The following DLEC1 variants were observed in gnomAD, a reference collection of about 807,000 sequenced individuals.
DLEC1 encodes the protein DLEC1 cilia and flagella associated protein.
In DLEC1, 146 loss-of-function variants were observed where a neutral mutation model predicts 198.1. The ratio of observed to expected loss-of-function variants is 0.74; its 90% confidence interval spans 0.64 to 0.85. The LOEUF is 0.85. Ranked by LOEUF, DLEC1 falls within the 40% of genes least tolerant of loss-of-function variation. The pLI is 0.00. For synonymous variants in DLEC1, 897 were observed against 866.8 expected (o/e 1.03, Z -0.61); for missense variants, 2,233 against 2,220.0 (o/e 1.01, Z -0.12).
At chr3:38,070,508 G>A (rs149442359) in intron 6 of DLEC1, among the ~76,000 whole-genome samples, 7 of 152,314 alleles carry the variant, frequency 4.6e-5, no homozygotes, top group East Asian at 3.9e-4. Context: ...ATGCACGTCC[G>A]TGTGAAGAGA....
Position 38,048,263 on chromosome 3 carries a change from A to G in DLEC1, c.562+2570A>G, listed in dbSNP as rs1332539052. ...TCTTCAAGAAACGCTGATTCCTTTT[A>G]TTCCCTCCACCACTCCCCACAAAGA... On this transcript the variant is annotated intron_variant, in intron 2 of 36. Transcript: ENST00000308059. Among the ~76,000 whole-genome samples, 4 of 152,288 alleles carry G rather than the reference A, an allele frequency of 2.6e-5. No homozygotes were observed. In the East Asian group the frequency reaches 5.8e-4, roughly 22 times the overall value.
intron 27 of DLEC1, among the ~76,000 whole-genome samples, chr3:38,115,264 C>A (rs1700095311): frequency 6.6e-6 from 1 of 152,174 alleles, no homozygotes; most frequent in African/African-American, 2.4e-5. Flanking sequence ...AAGAGGGGAT[C>A]CCTTTCTCAT....
chr3:38,115,903 G>T (rs1405423782), intron 27 of DLEC1, among the ~76,000 whole-genome samples: 2 of 152,200 alleles, frequency 1.3e-5, no homozygotes, highest in South Asian at 4.1e-4. Context: ...GTGGCAATCT[G>T]TTCAGCTGGG....
At chr3:38,065,181 C>T (rs9755284) in intron 6 of DLEC1, among the ~76,000 whole-genome samples, 62,713 of 152,136 alleles carry the variant, frequency 0.41, 13,446 homozygotes, top group East Asian at 0.6. Flanking sequence ...CACCAAAAAA[C>T]ACGAAAACCA....
chr3:38,064,712 G>A lies in DLEC1; in HGVS notation c.1173+793G>A, dbSNP rs546279541. On this transcript the variant is annotated intron_variant, in intron 6 of 36. Coordinates refer to ENST00000308059, the MANE Select transcript of DLEC1 (RefSeq NM_007335.4). The stretch of plus-strand genomic sequence containing the variant: ...TCAGTTCCCAGACGGGGTCGCGGCC[G>A]GGCAGAGGCGCTCCTCACATCTCAG... 3.8e-3 allele frequency among the ~76,000 whole-genome samples: 576 copies of A among 151,992 alleles called. 7 individuals carry two copies. The highest frequency in any genetic ancestry group is 0.013 in the African/African-American group (554 of 41,448).
chr3:38,078,373 G>A (rs1333929996), intron 6 of DLEC1, among the ~76,000 whole-genome samples: 1 of 152,244 alleles, frequency 6.6e-6, no homozygotes, highest in African/African-American at 2.4e-5. Context: ...ACGCAGACAT[G>A]AGGGCTAGGC....
At chr3:38,081,895 ACCC>A (rs1231981892) in intron 6 of DLEC1, among the ~76,000 whole-genome samples, 5 of 64,274 alleles carry the variant, frequency 7.8e-5, no homozygotes, top group African/African-American at 2.8e-4. Context: ...CGGGGGGCTG[ACCC>A]CCCCCCACCT....
At chr3:38,121,959 C>A in intron 35 of DLEC1, 112 bp from the exon 36 acceptor site, 1 of 1,535,912 alleles carries the variant, frequency 6.5e-7, no homozygotes, top group South Asian at 1.3e-5. Flanking sequence ...GGTTGCCCTG[C>A]CCTGCAGTGC....
intron 6 of DLEC1, among the ~76,000 whole-genome samples, chr3:38,075,416 G>T (rs1307574415): frequency 6.6e-6 from 1 of 152,156 alleles, no homozygotes; most frequent in Non-Finnish European, 1.5e-5. Context: ...AGAAAATAAG[G>T]CATTTAGGTT....
At chr3:38,091,833 T>C (rs1363754612) in intron 10 of DLEC1, among the ~76,000 whole-genome samples, 1 of 152,098 alleles carries the variant, frequency 6.6e-6, no homozygotes, top group African/African-American at 2.4e-5. Flanking sequence ...AGAATGGCTA[T>C]TATCAGAAAG....
Position 38,112,379 on chromosome 3 carries a change from G to C in DLEC1, c.3666+18G>C, listed in dbSNP as rs773599556. The C allele has an allele frequency of 5.6e-6, 9 of 1,613,052 alleles. No homozygotes were observed. Among genetic ancestry groups the C allele is most frequent in the Non-Finnish European group, 6.8e-6 (8 of 1,179,188 alleles). Reference sequence around the variant, plus strand: ...TCTGCACGGTAAGGGTACACAAGAGGGCAGTGGCCTGGGGGGTGGAGAGTC... The same window carrying C: ...TCTGCACGGTAAGGGTACACAAGAGCGCAGTGGCCTGGGGGGTGGAGAGTC... On this transcript the variant is annotated intron_variant, in intron 25 of 36. Coordinates refer to ENST00000308059, the MANE Select transcript of DLEC1 (RefSeq NM_007335.4). The surrounding 1 kb of genome is among the most constrained non-coding windows in gnomAD (Gnocchi z 4.8).
At chr3:38,105,192 G>A (rs1413923792) in intron 19 of DLEC1, among the ~76,000 whole-genome samples, 2 of 152,110 alleles carry the variant, frequency 1.3e-5, no homozygotes, top group African/African-American at 4.8e-5. Context: ...AACTTATTGA[G>A]ACTTGTTTTA....
intron 1 of DLEC1, among the ~76,000 whole-genome samples, chr3:38,044,763 G>A (rs550392923): frequency 2.0e-5 from 3 of 152,230 alleles, no homozygotes; most frequent in South Asian, 4.2e-4. Context: ...TTCTTGCCTC[G>A]AGAAGTCTGA....
At chr3:38,063,788 C>A in intron 5 of DLEC1, 53 bp from the exon 6 acceptor site, 1 of 1,329,952 alleles carries the variant, frequency 7.5e-7, no homozygotes, top group Non-Finnish European at 1.1e-6. Context: ...CCTACTATTT[C>A]ATTGTATGGA....
At chr3:38,086,190 T>G in intron 8 of DLEC1, 51 bp from the exon 9 acceptor site, 10 of 1,569,308 alleles carry the variant, frequency 6.4e-6, no homozygotes, top group Non-Finnish European at 8.6e-6. Context: ...CAGTAGGGCC[T>G]ATTAAGAGTG....
At chr3:38,088,437 G>T (rs1227570697) in intron 10 of DLEC1, 49 bp downstream of exon 10, 1 of 1,552,294 alleles carries the variant, frequency 6.4e-7, no homozygotes, top group African/African-American at 1.4e-5. Context: ...TTGCATGCTT[G>T]CATTTGTCTC....
chr3:38,051,799 T>C (rs1701131172), intron 2 of DLEC1: 1 of 155,218 alleles, frequency 6.4e-6, no homozygotes, highest in African/African-American at 2.4e-5. Flanking sequence ...GCTCATTTTC[T>C]ACTCTCTACA....
Position 38,112,179 on chromosome 3 carries a change from TG to T in DLEC1, c.3515-30del, listed in dbSNP as rs1699919891. 1 of 1,613,500 alleles carries T rather than the reference TG, an allele frequency of 6.2e-7. No individual in the cohort carries two copies. The highest frequency in any genetic ancestry group is 1.3e-5 in the African/African-American group (1 of 74,902). On this transcript the variant is annotated intron_variant, in intron 24 of 36. Coordinates refer to ENST00000308059, the MANE Select transcript of DLEC1 (RefSeq NM_007335.4). This position sits in a 1 kb window ranked among gnomAD's most constrained non-coding sequence, Gnocchi z 4.8. Reference sequence around the variant, plus strand: ...GACCTCACTCCCAACCCCAGGCCCGTGAATCCCCCACAGTCGCGGTTCTTTC... The same window carrying T: ...GACCTCACTCCCAACCCCAGGCCCGTAATCCCCCACAGTCGCGGTTCTTTC...
At chr3:38,114,925 C>T in intron 26 of DLEC1, 58 bp from the exon 27 acceptor site, 1 of 1,524,090 alleles carries the variant, frequency 6.6e-7, no homozygotes, top group Non-Finnish European at 9.0e-7. Context: ...GCCCTCCTCC[C>T]TACCTGCAAG....
Sources: gnomAD v4.1 joint callset for allele counts (sites outside exome capture counted in the v4.1 genomes callset) on GRCh38, gnomAD v4.1.1 for gene constraint, Gnocchi (gnomAD v3.1) non-coding constraint, MANE v1.5 for transcripts, NCBI Gene and HGNC (gene_info 2026-07-23, HGNC 2026-07-21) for gene names.